The following UIMC1 variants were observed in gnomAD, a reference collection of about 807,000 sequenced individuals.
UIMC1 encodes ubiquitin interaction motif containing 1, also known as BRCA1-A complex subunit RAP80.
UIMC1 carries 42 observed loss-of-function variants against 84.9 expected under a neutral mutation model. The ratio of observed to expected loss-of-function variants is 0.49; its 90% CI spans 0.39 to 0.64. The LOEUF is 0.64. Among genes scored for constraint, UIMC1 ranks in the 30% least tolerant of loss-of-function variants. UIMC1 has a pLI of 0.00. For synonymous variants in UIMC1, 281 were observed against 293.0 expected, an observed-to-expected ratio of 0.96 and a Z score of 0.42; for missense variants, 825 against 847.6, an observed-to-expected ratio of 0.97 and a Z score of 0.33.
chr5:176,994,843 T>C (rs1028474494), intron 1 of UIMC1, among the ~76,000 whole-genome samples: 2 of 152,130 alleles, frequency 1.3e-5, no homozygotes, highest in African/African-American at 2.4e-5. Context: ...CTTGTGATCA[T>C]GCAGCTGCAC....
intron 10 of UIMC1, 122 bp downstream of exon 10, chr5:176,943,213 C>G: frequency 3.1e-6 from 4 of 1,294,360 alleles, no homozygotes; most frequent in South Asian, 3.7e-5. Context: ...AGAAAAAACC[C>G]AAGACCAACA....
At chr5:176,943,188 G>A in intron 10 of UIMC1, 147 bp downstream of exon 10, 1 of 993,396 alleles carries the variant, frequency 1.0e-6, no homozygotes. Context: ...AAAAGTACTA[G>A]AAAAATAACT....
chr5:177,021,094 A>G (rs1010723190), intron 1 of UIMC1, among the ~76,000 whole-genome samples: 3 of 152,120 alleles, frequency 2.0e-5, no homozygotes, highest in African/African-American at 7.2e-5. Context: ...CCTAGCTAAC[A>G]TAGTGAAACC....
intron 10 of UIMC1, among the ~76,000 whole-genome samples, chr5:176,924,094 G>C (rs1201499765): frequency 6.6e-6 from 1 of 151,894 alleles, no homozygotes; most frequent in African/African-American, 2.4e-5. Context: ...GAGGCAGGTG[G>C]ATCACCTGAG....
chr5:176,953,445 G>T (rs1379927387), intron 8 of UIMC1, among the ~76,000 whole-genome samples: 1 of 148,224 alleles, frequency 6.7e-6, no homozygotes, highest in Non-Finnish European at 1.5e-5. Flanking sequence ...TACATTTCTA[G>T]AATTAATTAT....
Position 177,015,915 on chromosome 5 carries a change from A to T in UIMC1, c.-9+6549T>A, listed in dbSNP as rs187797751. Among the ~76,000 whole-genome samples the T allele has an allele frequency of 2.1e-4, 32 of 152,000 alleles. No homozygotes were observed. The East Asian group carries it at 4.8e-3, about 23-fold the overall frequency. On this transcript the variant is annotated intron_variant, in intron 1 of 5. Transcript: ENST00000509236. ...TGAAACCCTGTCTCTACCTAAAATT[A>T]AAAAATTAGCCAGACGTGGTGGCGC...
intron 10 of UIMC1, among the ~76,000 whole-genome samples, chr5:176,920,468 G>A (rs4976632): frequency 0.19 from 29,151 of 152,154 alleles, 3,881 homozygotes; most frequent in East Asian, 0.5. Flanking sequence ...TTTCAACAAT[G>A]TTTTATAATT....
intron 3 of UIMC1, among the ~76,000 whole-genome samples, chr5:176,974,486 AT>A (rs1769747580): frequency 6.6e-6 from 1 of 152,172 alleles, no homozygotes; most frequent in African/African-American, 2.4e-5. Flanking sequence ...GTAGTCAAAG[AT>A]TTCTTAGGAC....
At chr5:176,951,713 T>G (rs1040723869) in intron 8 of UIMC1, 136 bp from the exon 9 acceptor site, 3 of 572,266 alleles carry the variant, frequency 5.2e-6, no homozygotes, top group Middle Eastern at 4.9e-4. Flanking sequence ...AGATCTAGTT[T>G]GTTTCTTCTT....
At chr5:177,007,862 TG>T (rs971863020), upstream of UIMC1, among the ~76,000 whole-genome samples, 16 of 152,050 alleles carry the variant, frequency 1.1e-4, no homozygotes, top group Non-Finnish European at 2.4e-4. Flanking sequence ...CCCAGCACTT[TG>T]GGGGGCCAAG....
chr5:176,927,851 C>CTTTT (rs754815729), intron 10 of UIMC1, among the ~76,000 whole-genome samples: 1 of 136,610 alleles, frequency 7.3e-6, no homozygotes, highest in Non-Finnish European at 1.6e-5. Context: ...GGCCAGCCAG[C>CTTTT]TTTTTTTTTT....
intron 1 of UIMC1, among the ~76,000 whole-genome samples, chr5:176,986,828 C>CAAAGAGAAATA (rs1275208487): frequency 6.6e-6 from 1 of 151,964 alleles, no homozygotes; most frequent in East Asian, 1.9e-4. Flanking sequence ...AACAATTAAG[C>CAAAGAGAAATA]AAAGAGAAAT....
At position 177,019,246 on chromosome 5, in the gene UIMC1, TC is replaced by T. The variant is rs201142144; in HGVS notation, c.-9+3217del. On this transcript the variant is annotated intron_variant, in intron 1 of 5. Transcript: ENST00000509236. ...GTGATCTTCACAAAACCTTTACCTT[TC>T]CTAGTCTGTTTCTTTATCATCACTT... Among the ~76,000 whole-genome samples the T allele has an allele frequency of 9.1e-3, 1,389 of 152,302 alleles. 9 individuals are homozygous for T. Among genetic ancestry groups the T allele is most frequent in the South Asian group, 0.025 (121 of 4,832 alleles).
At chr5:176,920,649 A>T (rs930763881) in intron 10 of UIMC1, among the ~76,000 whole-genome samples, 4 of 152,200 alleles carry the variant, frequency 2.6e-5, no homozygotes, top group African/African-American at 9.7e-5. Context: ...CAAACTTGCT[A>T]AACTCGTTTA....
At position 176,969,687 on chromosome 5, in the gene UIMC1, G is replaced by C; in HGVS notation, c.377C>G (p.Ala126Gly). 6.2e-7 allele frequency: 1 copy of C among 1,614,118 alleles called. No individual in the cohort carries two copies. The highest frequency in any genetic ancestry group is 8.5e-7 in the Non-Finnish European group (1 of 1,180,018). The change falls in exon 5 of 15, where the codon GCT becomes GGT. Residue 126 changes from alanine (A) to glycine (G), a missense_variant. Transcript: ENST00000511320. Reference protein sequence around the residue: ...ESLNSCRPSDASATRSRPLAT... With the variant: ...ESLNSCRPSDGSATRSRPLAT... ...CAGAGGTCGAGATCTGGTAGCGGAAGCATCAGAAGGCCGGCAACTCTGAAA... is the reference window on the plus strand; with the variant it reads ...CAGAGGTCGAGATCTGGTAGCGGAACCATCAGAAGGCCGGCAACTCTGAAA...
chr5:176,976,275 A>T (rs1321725031), intron 2 of UIMC1, among the ~76,000 whole-genome samples: 1 of 152,176 alleles, frequency 6.6e-6, no homozygotes, highest in Non-Finnish European at 1.5e-5. Context: ...AGATCGCACC[A>T]CGATATTCCA....
At chr5:176,982,749 G>C in intron 1 of UIMC1, 126 bp from the exon 2 acceptor site, 2 of 1,103,462 alleles carry the variant, frequency 1.8e-6, no homozygotes, top group Non-Finnish European at 2.5e-6. Flanking sequence ...GCCCAGGCTG[G>C]AGTGCAATGG....
intron 10 of UIMC1, among the ~76,000 whole-genome samples, chr5:176,924,777 A>C (rs981151879): frequency 6.6e-6 from 1 of 152,204 alleles, no homozygotes; most frequent in African/African-American, 2.4e-5. Context: ...GCGGTGGCTC[A>C]TATCTGTAAT....
At chr5:176,997,598 T>C (rs565626476) in intron 1 of UIMC1, among the ~76,000 whole-genome samples, 4 of 146,216 alleles carry the variant, frequency 2.7e-5, no homozygotes, top group Admixed American at 1.4e-4. Flanking sequence ...GGCAGGAGAA[T>C]GCCGTGAACC....
Sources: gnomAD v4.1 joint callset for allele counts (sites outside exome capture counted in the v4.1 genomes callset) on GRCh38, gnomAD v4.1.1 for gene constraint, MANE v1.5 for transcripts, NCBI Gene and HGNC (gene_info 2026-07-23, HGNC 2026-07-21) for gene names.